The following ASXL2 variants were observed in gnomAD, a reference collection of about 807,000 sequenced individuals.
ASXL2 encodes putative Polycomb group protein ASXL2.
Under a neutral mutation model 122.0 loss-of-function variants are expected in ASXL2, and 23 were observed. The ratio of observed to expected loss-of-function variants is 0.19; its 90% CI spans 0.14 to 0.27. The LOEUF is 0.27. Among genes scored for constraint, ASXL2 ranks in the 10% least tolerant of loss-of-function variants. ASXL2 has a pLI of 1.00. For synonymous variants in ASXL2, 650 were observed against 637.0 expected, an observed-to-expected ratio of 1.02 and a Z score of -0.31; for missense variants, 1,518 against 1,713.8, an observed-to-expected ratio of 0.89 and a Z score of 2.02.
At chr2:25,873,730 C>T (rs768636083) in intron 1 of ASXL2, among the ~76,000 whole-genome samples, 2 of 151,376 alleles carry the variant, frequency 1.3e-5, no homozygotes, top group African/African-American at 4.8e-5. Context: ...ATCTCTAACA[C>T]CCACACCTTG....
At chr2:25,849,830 T>G (rs1369442903) in intron 1 of ASXL2, among the ~76,000 whole-genome samples, 1 of 152,200 alleles carries the variant, frequency 6.6e-6, no homozygotes, top group Admixed American at 6.5e-5. Flanking sequence ...TGAGCTACCA[T>G]GCCTGGCCTA....
chr2:25,848,672 T>C (rs2089679537), intron 1 of ASXL2, among the ~76,000 whole-genome samples: 1 of 151,872 alleles, frequency 6.6e-6, no homozygotes. Flanking sequence ...AGACCAAAAA[T>C]TATGTCTTTT....
intron 4 of ASXL2, among the ~76,000 whole-genome samples, chr2:25,803,291 C>T (rs1559515603): frequency 6.6e-6 from 1 of 152,172 alleles, no homozygotes; most frequent in Admixed American, 6.5e-5. Context: ...TCATCTGTAT[C>T]TTTTGTAATA....
chr2:25,834,978 A>G (rs757699763), intron 3 of ASXL2, among the ~76,000 whole-genome samples: 8 of 151,878 alleles, frequency 5.3e-5, no homozygotes, highest in Non-Finnish European at 1.0e-4. Flanking sequence ...GCCGGCCACC[A>G]CACCCAGCTA....
rs1454956862 is a variant in ASXL2 at position 25,741,146 on chromosome 2, TTA to T, written c.*881_*882del. On this transcript the variant is annotated 3_prime_UTR_variant, in exon 13 of 13. Transcript: ENST00000435504. ...AATCACTAACACTTTCCTGTTCATT[TTA>T]TATGAGTATTTCAAAATTGTTAGTT... 9.4e-6 allele frequency: 2 copies of T among 211,890 alleles called. No individual in the cohort carries two copies. Among genetic ancestry groups the T allele is most frequent in the African/African-American group, 2.3e-5 (1 of 44,126 alleles). 13.1% of individuals were successfully genotyped at this position (211,890 alleles called of 1,614,324 possible).
chr2:25,813,421 A>G (rs1362841218), intron 3 of ASXL2, among the ~76,000 whole-genome samples: 1 of 152,240 alleles, frequency 6.6e-6, no homozygotes, highest in Non-Finnish European at 1.5e-5. Flanking sequence ...AACCAAACAC[A>G]ATGAAACATA....
chr2:25,785,919 A>C (rs975296516), intron 5 of ASXL2, among the ~76,000 whole-genome samples: 4 of 152,198 alleles, frequency 2.6e-5, no homozygotes, highest in Non-Finnish European at 5.9e-5. Flanking sequence ...TTATGATACC[A>C]AATTTTAACA....
chr2:25,791,141 G>C (rs78719404), intron 5 of ASXL2, among the ~76,000 whole-genome samples: 1 of 151,922 alleles, frequency 6.6e-6, no homozygotes, highest in South Asian at 2.1e-4. Flanking sequence ...TGAAAATTTG[G>C]AAGAGTCATC....
At chr2:25,858,974 C>G (rs1451745375) in intron 1 of ASXL2, among the ~76,000 whole-genome samples, 1 of 151,606 alleles carries the variant, frequency 6.6e-6, no homozygotes, top group African/African-American at 2.4e-5. Flanking sequence ...CCACCACACC[C>G]AGCTAATTTT....
chr2:25,806,388 C>A, intron 3 of ASXL2, 51 bp from the exon 4 acceptor site: 1 of 1,248,096 alleles, frequency 8.0e-7, no homozygotes, highest in South Asian at 1.3e-5. Flanking sequence ...TAATTTCTGT[C>A]TCTGAATATC....
Position 25,737,805 on chromosome 2 carries a change from T to C in ASXL2, c.*4224A>G, listed in dbSNP as rs1042638213. The C allele has an allele frequency of 6.6e-6, 1 of 152,248 alleles. No individual in the cohort carries two copies. The highest frequency in any genetic ancestry group is 6.5e-5 in the Admixed American group (1 of 15,286). 9.4% of individuals were successfully genotyped at this position (152,248 alleles called of 1,614,324 possible). A position where few individuals can be genotyped will look rare whatever the true frequency, so the allele number is the denominator to read the frequency against. On this transcript the variant is annotated 3_prime_UTR_variant, in exon 13 of 13. Coordinates refer to ENST00000435504, the MANE Select transcript of ASXL2 (RefSeq NM_018263.6). ...ACTTAAAATTCTTATGTAAAATGATTTTCTATATTTGTGAAAAAATATGAC... is the reference window on the plus strand; with the variant it reads ...ACTTAAAATTCTTATGTAAAATGATCTTCTATATTTGTGAAAAAATATGAC...
chr2:25,863,459 G>A (rs143931601), intron 1 of ASXL2, among the ~76,000 whole-genome samples: 2,832 of 151,056 alleles, frequency 0.019, 41 homozygotes, highest in Middle Eastern at 0.035. Context: ...TTGGGAGGCC[G>A]AGGCGGGTAG....
chr2:25,840,084 C>T (rs377083381), intron 2 of ASXL2, among the ~76,000 whole-genome samples: 165 of 152,004 alleles, frequency 1.1e-3, no homozygotes, highest in African/African-American at 3.6e-3. Flanking sequence ...TAATGGAATA[C>T]AAAAAGTCAC....
At chr2:25,767,215 T>A (rs1222813478) in intron 8 of ASXL2, among the ~76,000 whole-genome samples, 3 of 152,124 alleles carry the variant, frequency 2.0e-5, no homozygotes, top group Non-Finnish European at 4.4e-5. Context: ...TACACAGAAA[T>A]AAAACATGAA....
chr2:25,796,225 G>A (rs1475528154), intron 5 of ASXL2, among the ~76,000 whole-genome samples: 7 of 152,176 alleles, frequency 4.6e-5, no homozygotes, highest in Admixed American at 2.6e-4. Flanking sequence ...CCATTCTGAA[G>A]GGACTTAAAT....
chr2:25,828,926 T>C (rs1489637988), intron 3 of ASXL2, among the ~76,000 whole-genome samples: 1 of 152,038 alleles, frequency 6.6e-6, no homozygotes, highest in Admixed American at 6.6e-5. Flanking sequence ...GTTCAAGTTC[T>C]ATCACTAATT....
Position 25,749,660 on chromosome 2 carries a change from C to T in ASXL2, c.1860+36G>A, listed in dbSNP as rs375409639. 62 of 1,461,544 alleles carry T rather than the reference C, an allele frequency of 4.2e-5. No homozygotes were observed. The Middle Eastern group carries it at 5.6e-4, about 13-fold the overall frequency. The allele number at this position is 1,461,544 out of a possible 1,614,324, so 90.5% of individuals were successfully genotyped here. ...TATGACCAAAAACATAGGGTTCAGA[C>T]GATCTCTGCTTTTCTAATTCTCTCC... On this transcript the variant is annotated intron_variant, in intron 12 of 12. Transcript: ENST00000435504.
At chr2:25,869,850 TATGTTAA>T (rs958877151) in intron 1 of ASXL2, among the ~76,000 whole-genome samples, 2 of 150,644 alleles carry the variant, frequency 1.3e-5, no homozygotes, top group African/African-American at 2.4e-5. Context: ...AAATTACCTG[TATGTTAA>T]ATAATCAGGG....
At chr2:25,746,330 A>T (rs1313327095) in intron 12 of ASXL2, among the ~76,000 whole-genome samples, 1 of 152,200 alleles carries the variant, frequency 6.6e-6, no homozygotes, top group African/African-American at 2.4e-5. Flanking sequence ...TATATATTTT[A>T]CATCAGGAAA....
Sources: gnomAD v4.1 joint callset for allele counts (sites outside exome capture counted in the v4.1 genomes callset) on GRCh38, gnomAD v4.1.1 for gene constraint, MANE v1.5 for transcripts, NCBI Gene and HGNC (gene_info 2026-07-23, HGNC 2026-07-21) for gene names.